TMTC2: variants seen among roughly 807,000 people sequenced by gnomAD.
TMTC2 encodes transmembrane O-mannosyltransferase targeting cadherins 2, also known as protein O-mannosyl-transferase TMTC2.
A neutral mutation model predicts 82.4 loss-of-function variants in TMTC2; 43 were observed. The observed-to-expected ratio is 0.52, with a 90% CI of 0.41 to 0.67. The LOEUF (loss-of-function observed/expected upper bound fraction) is 0.67. Ranked by LOEUF, TMTC2 falls within the 30% of genes least tolerant of loss-of-function variation. The pLI, the probability that TMTC2 is intolerant of heterozygous loss-of-function variation, is 0.00. For synonymous variants in TMTC2, 408 were observed against 381.9 expected, an observed-to-expected ratio of 1.07 and a Z score of -0.80; for missense variants, 919 against 1,012.4, an observed-to-expected ratio of 0.91 and a Z score of 1.25.
In TMTC2 at chr12:82,858,321, C is replaced by A. The variant is rs538119241; in HGVS notation, c.654+741C>A. Among the ~76,000 whole-genome samples the A allele has an allele frequency of 1.1e-4, 16 of 152,312 alleles. 1 individual carries two copies. Among genetic ancestry groups the A allele is most frequent in the African/African-American group, 3.8e-4 (16 of 41,568 alleles). On this transcript the variant is annotated intron_variant, in intron 2 of 11. Coordinates refer to ENST00000321196, the MANE Select transcript of TMTC2 (RefSeq NM_152588.3). The stretch of plus-strand genomic sequence containing the variant: ...GCATTAAGGAGAGGCATTGAGCGGA[C>A]GGGGCATCTTGAGAAATTGTCTGCC...
intron 1 of TMTC2, among the ~76,000 whole-genome samples, chr12:82,839,590 A>C (rs989645593): frequency 1.3e-5 from 2 of 152,182 alleles, no homozygotes; most frequent in Non-Finnish European, 2.9e-5. Flanking sequence ...ATCTTTAAAA[A>C]CATAATAAAG....
chr12:82,949,630 C>T (rs1230299049), intron 4 of TMTC2, among the ~76,000 whole-genome samples: 2 of 152,108 alleles, frequency 1.3e-5, no homozygotes, highest in Non-Finnish European at 2.9e-5. Context: ...TTATTTAATC[C>T]TTATTCTTCA....
Position 82,986,120 on chromosome 12 carries a change from C to T in TMTC2, c.2070+74C>T, listed in dbSNP as rs1449778323. 2.5e-6 allele frequency: 4 copies of T among 1,597,898 alleles called. No homozygotes were observed. In the African/African-American group the frequency reaches 5.4e-5, roughly 21 times the overall value. On this transcript the variant is annotated intron_variant, in intron 8 of 11. Coordinates refer to ENST00000321196, the MANE Select transcript of TMTC2 (RefSeq NM_152588.3). ...GACCGGGATAGATGGGTTTGAGGTACTGTTTTACAGCCAGTTATCTAAGCT... is the reference window on the plus strand; with the variant it reads ...GACCGGGATAGATGGGTTTGAGGTATTGTTTTACAGCCAGTTATCTAAGCT...
At chr12:82,804,559 A>AT (rs982284784) in intron 1 of TMTC2, among the ~76,000 whole-genome samples, 4 of 151,942 alleles carry the variant, frequency 2.6e-5, no homozygotes, top group African/African-American at 4.8e-5. Flanking sequence ...TTAGCTAAAT[A>AT]TTTTTTTTAA....
chr12:82,729,753 G>T (rs1290348470), intron 1 of TMTC2, among the ~76,000 whole-genome samples: 1 of 152,216 alleles, frequency 6.6e-6, no homozygotes, highest in African/African-American at 2.4e-5. Flanking sequence ...GCAACCCGCA[G>T]GGGCCGTTTT....
At chr12:83,039,982 T>C (rs1054432389) in intron 9 of TMTC2, among the ~76,000 whole-genome samples, 6 of 152,250 alleles carry the variant, frequency 3.9e-5, no homozygotes, top group African/African-American at 1.4e-4. Context: ...GGCATCATGC[T>C]GGGCACATAT....
chr12:82,929,602 A>T (rs1266301599), intron 3 of TMTC2, among the ~76,000 whole-genome samples: 1 of 152,098 alleles, frequency 6.6e-6, no homozygotes, highest in Non-Finnish European at 1.5e-5. Flanking sequence ...ATCTCAACAC[A>T]CATGACCCTT....
At chr12:82,791,945 T>G (rs2137023596) in intron 1 of TMTC2, among the ~76,000 whole-genome samples, 1 of 152,268 alleles carries the variant, frequency 6.6e-6, no homozygotes, top group Non-Finnish European at 1.5e-5. Flanking sequence ...TCTAAGCTTC[T>G]TATCATTCTC....
At chr12:82,816,046 G>GAAATATATATATTATATTTTTAT (rs1868693823) in intron 1 of TMTC2, among the ~76,000 whole-genome samples, 1 of 151,770 alleles carries the variant, frequency 6.6e-6, no homozygotes, top group Non-Finnish European at 1.5e-5. Context: ...TATAGTAGTG[G>GAAATATATATATTATATTTTTAT]GTATGTATTA....
chr12:82,975,034 C>A (rs906119793), intron 7 of TMTC2, among the ~76,000 whole-genome samples: 4 of 152,036 alleles, frequency 2.6e-5, no homozygotes, highest in African/African-American at 9.7e-5. Flanking sequence ...CTATCTATGA[C>A]TTGTTTCAGG....
chr12:82,843,121 C>T (rs1870432398), intron 1 of TMTC2, among the ~76,000 whole-genome samples: 1 of 131,656 alleles, frequency 7.6e-6, no homozygotes, highest in Admixed American at 6.7e-5. Context: ...TAATTTCTTT[C>T]TTTCTTTTTT....
At chr12:83,011,421 A>C (rs140022375) in intron 8 of TMTC2, among the ~76,000 whole-genome samples, 4 of 152,370 alleles carry the variant, frequency 2.6e-5, no homozygotes, top group Non-Finnish European at 5.9e-5. Flanking sequence ...TAAGGCACTT[A>C]GAACAATGTC....
chr12:83,025,889 T>C (rs10862560), intron 8 of TMTC2, among the ~76,000 whole-genome samples: 89,933 of 152,000 alleles, frequency 0.59, 27,137 homozygotes, highest in South Asian at 0.73. Context: ...TTTGGAAACA[T>C]CCTCAGCATA....
intron 8 of TMTC2, among the ~76,000 whole-genome samples, chr12:83,027,773 T>G (rs1881244558): frequency 6.6e-6 from 1 of 152,186 alleles, no homozygotes; most frequent in East Asian, 1.9e-4. Flanking sequence ...TGAGACTCAT[T>G]GCATTTAAAA....
intron 1 of TMTC2, among the ~76,000 whole-genome samples, chr12:82,707,911 T>A (rs553788845): frequency 6.6e-6 from 1 of 152,354 alleles, no homozygotes; most frequent in East Asian, 1.9e-4. Flanking sequence ...TGAAATCATG[T>A]AGGCCCACAG....
At chr12:82,716,573 A>G (rs1196618267) in intron 1 of TMTC2, among the ~76,000 whole-genome samples, 1 of 152,068 alleles carries the variant, frequency 6.6e-6, no homozygotes, top group Non-Finnish European at 1.5e-5. Context: ...CGTGTTAGCC[A>G]GGATGGTCTC....
chr12:82,858,206 T>C (rs1398714595), intron 2 of TMTC2, among the ~76,000 whole-genome samples: 1 of 152,228 alleles, frequency 6.6e-6, no homozygotes, highest in Non-Finnish European at 1.5e-5. Context: ...CGTATTCCCT[T>C]AGTGGTATCC....
chr12:82,906,958 T>C (rs1262829926), intron 3 of TMTC2, among the ~76,000 whole-genome samples: 2 of 152,038 alleles, frequency 1.3e-5, no homozygotes, highest in African/African-American at 4.8e-5. Context: ...TCTTCTCTAT[T>C]GAGTAGAAAA....
intron 11 of TMTC2, among the ~76,000 whole-genome samples, chr12:83,125,109 C>A (rs112725894): frequency 6.6e-6 from 1 of 152,168 alleles, no homozygotes; most frequent in Non-Finnish European, 1.5e-5. Context: ...GCTGTCCTCC[C>A]GTATTCATTC....
Sources: gnomAD v4.1 joint callset for allele counts (sites outside exome capture counted in the v4.1 genomes callset) on GRCh38, gnomAD v4.1.1 for gene constraint, MANE v1.5 for transcripts, NCBI Gene and HGNC (gene_info 2026-07-23, HGNC 2026-07-21) for gene names.